TRMT9B: variants seen among roughly 807,000 people sequenced by gnomAD.
The protein encoded by TRMT9B is tRNA methyltransferase 9B (putative).
Under a neutral mutation model 11.5 loss-of-function variants are expected in TRMT9B, and 16 were observed. That is an observed-to-expected ratio of 1.39 (90% CI 0.94 to 2.11). The LOEUF (loss-of-function observed/expected upper bound fraction) is 2.11. Ranked by LOEUF, TRMT9B falls within the 30% of genes most tolerant of loss-of-function variation. The pLI, the probability that TRMT9B is intolerant of heterozygous loss-of-function variation, is 0.00. For synonymous variants in TRMT9B, 274 were observed against 192.4 expected (o/e 1.42, Z -3.51); for missense variants, 941 against 553.8 (o/e 1.70, Z -7.02).
At chr8:13,007,400 C>G (rs962817451) in intron 3 of TRMT9B, 1 of 152,238 alleles carries the variant, frequency 6.6e-6, no homozygotes, top group African/African-American at 2.4e-5. Context: ...GAATCTCACT[C>G]AAGGCCTACC....
intron 4 of TRMT9B, among the ~76,000 whole-genome samples, chr8:13,013,622 T>G (rs1400148465): frequency 6.6e-6 from 1 of 152,232 alleles, no homozygotes; most frequent in African/African-American, 2.4e-5. Context: ...AAAAATATTT[T>G]GCAAGGCAAA....
rs1443197347 is a variant in TRMT9B at position 13,025,940 on chromosome 8, A to C, written c.*3896A>C. The C allele has an allele frequency of 1.2e-5, 2 of 166,960 alleles. No individual in the cohort carries two copies. Among genetic ancestry groups the C allele is most frequent in the Non-Finnish European group, 2.9e-5 (2 of 68,130 alleles). The allele number at this position is 166,960 out of a possible 1,614,324, so 10.3% of individuals were successfully genotyped here. On this transcript the variant is annotated 3_prime_UTR_variant, in exon 5 of 5. Coordinates refer to ENST00000524591, the MANE Select transcript of TRMT9B (RefSeq NM_020844.3). ...CCAGAGAAAAAACCATCCAAATATA[A>C]ACCAGCTAGGAACATGAATGCCCCT... is the stretch of plus-strand genomic sequence containing the variant.
intron 1 of TRMT9B, among the ~76,000 whole-genome samples, chr8:12,985,151 G>A (rs547623142): frequency 3.9e-5 from 6 of 152,162 alleles, no homozygotes; most frequent in African/African-American, 9.6e-5. Context: ...ATCTCTTTCC[G>A]CTAAGATAAA....
Position 13,028,104 on chromosome 8 carries a change from G to C in TRMT9B, c.*6060G>C, listed in dbSNP as rs1486512533. The C allele has an allele frequency of 1.2e-5, 2 of 167,042 alleles. No homozygotes were observed. Among genetic ancestry groups the C allele is most frequent in the Non-Finnish European group, 2.9e-5 (2 of 68,110 alleles). 10.3% of individuals were successfully genotyped at this position (167,042 alleles called of 1,614,324 possible). A position where few individuals can be genotyped will look rare whatever the true frequency, so the allele number is the denominator to read the frequency against. Reference sequence around the variant, plus strand: ...GAATTGTTCTATTTTTAATTCCCCAGGGATCCTACGGTCTATGACACATTA... The same window carrying C: ...GAATTGTTCTATTTTTAATTCCCCACGGATCCTACGGTCTATGACACATTA... On this transcript the variant is annotated 3_prime_UTR_variant, in exon 5 of 5. Transcript: ENST00000524591.
At position 13,021,167 on chromosome 8, in the gene TRMT9B, C is replaced by A; in HGVS notation, c.488C>A (p.Ala163Asp). The A allele has an allele frequency of 6.2e-7, 1 of 1,613,854 alleles. No homozygotes were observed. The highest frequency in any genetic ancestry group is 8.5e-7 in the Non-Finnish European group (1 of 1,179,812). Residue 163 changes from alanine (A) to aspartate (D), a missense_variant, in exon 5 of 5, where the codon GCT becomes GAT. Transcript: ENST00000524591. The stretch of plus-strand genomic sequence containing the variant: ...GACGTGCTTGTTCCATGGAACAGGG[C>A]TCTGTGTTCCCAGCTCTTCTCAGAG... ...KQDVLVPWNR[A>D]LCSQLFSESS...
At chr8:13,000,958 T>C (rs1165061924) in intron 2 of TRMT9B, among the ~76,000 whole-genome samples, 3 of 152,084 alleles carry the variant, frequency 2.0e-5, no homozygotes, top group Admixed American at 1.3e-4. Context: ...AACAGGTTTC[T>C]TGGAGATGAG....
chr8:13,020,965 A>C, intron 4 of TRMT9B, 43 bp from the exon 5 acceptor site: 1 of 1,317,022 alleles, frequency 7.6e-7, no homozygotes, highest in Non-Finnish European at 1.0e-6. Flanking sequence ...GTGTGGGTTT[A>C]TGTGTGTGCA....
intron 3 of TRMT9B, chr8:13,010,668 G>C (rs556289809): frequency 5.0e-5 from 49 of 984,276 alleles, no homozygotes; most frequent in Middle Eastern, 1.0e-3. Context: ...TCATTCTAAA[G>C]ATGTATGAGT....
At position 13,025,128 on chromosome 8, in the gene TRMT9B, T is replaced by G. The variant is rs1170208635; in HGVS notation, c.*3084T>G. 6.0e-6 allele frequency: 1 copy of G among 166,992 alleles called. No individual in the cohort carries two copies. The highest frequency in any genetic ancestry group is 2.4e-5 in the African/African-American group (1 of 41,432). 10.3% of individuals were successfully genotyped at this position (166,992 alleles called of 1,614,324 possible). On this transcript the variant is annotated 3_prime_UTR_variant, in exon 5 of 5. Transcript: ENST00000524591. ...TATTAATACTAGATCACACAGTGTC[T>G]TTCTTATTCCTTCTTCTTTACTTAC...
intron 4 of TRMT9B, among the ~76,000 whole-genome samples, chr8:13,015,813 C>G (rs1015306384): frequency 6.6e-6 from 1 of 152,120 alleles, no homozygotes. Flanking sequence ...GCCTTGCCCT[C>G]AGAGAAAATG....
chr8:12,985,801 T>C (rs1251765934), intron 1 of TRMT9B, among the ~76,000 whole-genome samples: 3 of 152,186 alleles, frequency 2.0e-5, no homozygotes, highest in Non-Finnish European at 4.4e-5. Context: ...GTGTGTATTC[T>C]CTTTTGATTT....
intron 1 of TRMT9B, among the ~76,000 whole-genome samples, chr8:12,979,303 C>A (rs1283796410): frequency 6.6e-6 from 1 of 152,126 alleles, no homozygotes; most frequent in Non-Finnish European, 1.5e-5. Flanking sequence ...AGTAATTTGG[C>A]AGCCTATAGA....
chr8:12,991,107 A>T, intron 2 of TRMT9B, 76 bp downstream of exon 2: 7 of 604,072 alleles, frequency 1.2e-5, no homozygotes, highest in East Asian at 7.7e-5. Context: ...AGTGAACCTA[A>T]TTCTTCCCAA....
rs2128908042 is a variant in TRMT9B, at chr8:13,029,208, C to T, written c.*7164C>T. 6.2e-6 allele frequency: 1 copy of T among 160,286 alleles called. No homozygotes were observed. The highest frequency in any genetic ancestry group is 2.0e-4 in the East Asian group (1 of 5,114). The allele number at this position is 160,286 out of a possible 1,614,324, so 9.9% of individuals were successfully genotyped here. A position where few individuals can be genotyped will look rare whatever the true frequency, so the allele number is the denominator to read the frequency against. ...CTTTTGTTTGTTTGTTTGTTTGTTT[C>T]AGGGAAATTTAGAACAATTATTAGA... On this transcript the variant is annotated 3_prime_UTR_variant, in exon 5 of 5. Coordinates refer to ENST00000524591, the MANE Select transcript of TRMT9B (RefSeq NM_020844.3).
At chr8:12,952,955 G>C (rs1444005968) in intron 1 of TRMT9B, among the ~76,000 whole-genome samples, 2 of 152,180 alleles carry the variant, frequency 1.3e-5, no homozygotes, top group African/African-American at 2.4e-5. Flanking sequence ...GGTCAGGCTG[G>C]TCTGGAACTC....
intron 2 of TRMT9B, among the ~76,000 whole-genome samples, chr8:12,999,759 G>A (rs1016066116): frequency 2.0e-5 from 3 of 152,136 alleles, no homozygotes; most frequent in Admixed American, 2.0e-4. Context: ...CAAGTGCTGT[G>A]GAATTAGGGA....
In TRMT9B at chr8:13,029,512, G is replaced by A. The variant is rs991165828; in HGVS notation, c.*7468G>A. On this transcript the variant is annotated 3_prime_UTR_variant, in exon 5 of 5. Transcript: ENST00000524591. ...TCAATTATTTAAGTTAAGTATCAGT[G>A]TATTTTTAAAAAGTGTTCCCAGGTG... 1 of 166,870 alleles carries A rather than the reference G, an allele frequency of 6.0e-6. No individual in the cohort carries two copies. Among genetic ancestry groups the A allele is most frequent in the Admixed American group, 6.5e-5 (1 of 15,280 alleles). 10.3% of individuals were successfully genotyped at this position (166,870 alleles called of 1,614,324 possible).
At position 12,956,211 on chromosome 8, in the gene TRMT9B, G is replaced by A. The variant is rs76479739; in HGVS notation, c.-200+10245G>A. On this transcript the variant is annotated intron_variant, in intron 1 of 4. Transcript: ENST00000524591. ...ATGCACACTTGAAGGAGATAGGAGT[G>A]AATGTTCTGTGACAATCCATCATGC... 2.1e-3 allele frequency among the ~76,000 whole-genome samples: 323 copies of A among 152,276 alleles called. 14 individuals carry two copies. The East Asian group carries it at 0.033, about 16-fold the overall frequency.
intron 1 of TRMT9B, among the ~76,000 whole-genome samples, chr8:12,965,256 G>C (rs1802660903): frequency 6.6e-6 from 1 of 152,200 alleles, no homozygotes; most frequent in Admixed American, 6.5e-5. Flanking sequence ...TAGGTATTAA[G>C]CAGGTGTGGA....
Sources: gnomAD v4.1 joint callset for allele counts (sites outside exome capture counted in the v4.1 genomes callset) on GRCh38, gnomAD v4.1.1 for gene constraint, MANE v1.5 for transcripts, NCBI Gene and HGNC (gene_info 2026-07-23, HGNC 2026-07-21) for gene names.